MLLT10: variants seen among roughly 807,000 people sequenced by gnomAD.
MLLT10 encodes protein AF-10.
MLLT10 carries 30 observed loss-of-function variants against 129.1 expected under a neutral mutation model. The ratio of observed to expected loss-of-function variants is 0.23; its 90% CI spans 0.17 to 0.32. The LOEUF (loss-of-function observed/expected upper bound fraction) is 0.32. Among genes scored for constraint, MLLT10 ranks in the 10% least tolerant of loss-of-function variants. MLLT10 has a pLI of 1.00. For synonymous variants in MLLT10, 490 were observed against 446.4 expected (o/e 1.10, Z -1.23); for missense variants, 1,119 against 1,268.3 (o/e 0.88, Z 1.79).
At chr10:21,545,243 CT>C (rs55655739) in intron 3 of MLLT10, among the ~76,000 whole-genome samples, 2,161 of 141,738 alleles carry the variant, frequency 0.015, 17 homozygotes, top group Middle Eastern at 0.036. Context: ...AACCACATGC[CT>C]TTTTTTTTTT....
At chr10:21,699,224 G>A (rs796447444) in intron 13 of MLLT10, among the ~76,000 whole-genome samples, 1 of 149,118 alleles carries the variant, frequency 6.7e-6, no homozygotes, top group Non-Finnish European at 1.5e-5. Context: ...TTGCCCACTT[G>A]TTAATGGTAT....
chr10:21,540,574 C>T (rs939490357), intron 3 of MLLT10, among the ~76,000 whole-genome samples: 1 of 151,946 alleles, frequency 6.6e-6, no homozygotes, highest in South Asian at 2.1e-4. Flanking sequence ...GTATGTTTAT[C>T]CTTTGTATCC....
At chr10:21,570,933 A>G (rs2040133822) in intron 3 of MLLT10, among the ~76,000 whole-genome samples, 1 of 151,686 alleles carries the variant, frequency 6.6e-6, no homozygotes, top group South Asian at 2.1e-4. Context: ...TAGTTTCTCT[A>G]GTTTTGTTTG....
At position 21,717,924 on chromosome 10, in the gene MLLT10, T is replaced by C. The variant is rs917422190; in HGVS notation, c.1878+3974T>C. 2.9e-3 allele frequency among the ~76,000 whole-genome samples: 391 copies of C among 132,594 alleles called. 9 individuals are homozygous for C. Among genetic ancestry groups the C allele is most frequent in the African/African-American group, 0.011 (375 of 34,392 alleles). 87.0% of individuals were successfully genotyped at this position (132,594 alleles called of 152,430 possible). ...TCCTCCTCCTCCTTCTCCTTCTCCT[T>C]CTTCTTCTCCTTCTTTTCTTCTTTC... On this transcript the variant is annotated intron_variant, in intron 14 of 22. Coordinates refer to ENST00000307729, the MANE Select transcript of MLLT10 (RefSeq NM_001195626.3).
chr10:21,552,376 A>G (rs1012434268), intron 3 of MLLT10, among the ~76,000 whole-genome samples: 4 of 128,190 alleles, frequency 3.1e-5, no homozygotes, highest in African/African-American at 5.9e-5. Flanking sequence ...ATCTTTGTAT[A>G]TCTTCTTATT....
intron 8 of MLLT10, among the ~76,000 whole-genome samples, chr10:21,639,356 G>C (rs1442407116): frequency 6.6e-6 from 1 of 152,150 alleles, no homozygotes; most frequent in Non-Finnish European, 1.5e-5. Flanking sequence ...CCTCACTTTT[G>C]ATGCTGATTC....
intron 9 of MLLT10, among the ~76,000 whole-genome samples, chr10:21,664,911 C>G (rs1033779314): frequency 6.9e-6 from 1 of 144,356 alleles, no homozygotes; most frequent in African/African-American, 2.5e-5. Context: ...TTCTTTGTGC[C>G]TTTATATTTA....
chr10:21,624,636 CATT>C, intron 8 of MLLT10: 1 of 1,454,242 alleles, frequency 6.9e-7, no homozygotes, highest in Non-Finnish European at 9.3e-7. Flanking sequence ...TCCTGGTTGT[CATT>C]ATTGTAACCA....
At chr10:21,706,596 A>G (rs888783791) in intron 13 of MLLT10, among the ~76,000 whole-genome samples, 2 of 152,228 alleles carry the variant, frequency 1.3e-5, no homozygotes, top group South Asian at 2.1e-4. Context: ...TCTGAAGACT[A>G]TTCCATTCAC....
chr10:21,730,310 A>G (rs1258555288), intron 16 of MLLT10, among the ~76,000 whole-genome samples: 2 of 10,166 alleles, frequency 2.0e-4, no homozygotes, highest in Non-Finnish European at 3.5e-4. Context: ...TCCAAAAATG[A>G]AAAAAAAAAA....
At chr10:21,738,605 C>A in intron 21 of MLLT10, 1 of 1,194,258 alleles carries the variant, frequency 8.4e-7, no homozygotes, top group South Asian at 1.5e-5. Flanking sequence ...GCTCGACACT[C>A]TTGCTTGACT....
chr10:21,725,234 T>TA lies in MLLT10; in HGVS notation c.1879-1009dup, dbSNP rs1373671620. ...TTTGACCTCCTTAGCCAGCTTGTGA[T>TA]ATGAGAGATTGAAGCATTTGGTTAG... On this transcript the variant is annotated intron_variant, in intron 14 of 22. Transcript: ENST00000307729. 3.9e-5 allele frequency among the ~76,000 whole-genome samples: 6 copies of TA among 152,184 alleles called. No individual in the cohort carries two copies. The East Asian group carries it at 1.2e-3, about 29-fold the overall frequency.
chr10:21,590,647 T>C (rs1589120204), intron 4 of MLLT10, among the ~76,000 whole-genome samples: 1 of 152,106 alleles, frequency 6.6e-6, no homozygotes, highest in African/African-American at 2.4e-5. Context: ...CCGCCAGTAG[T>C]ATTTTATTAT....
intron 13 of MLLT10, among the ~76,000 whole-genome samples, chr10:21,707,189 ATTTTT>A (rs1199544245): frequency 1.6e-5 from 2 of 122,502 alleles, no homozygotes; most frequent in Non-Finnish European, 3.4e-5. Context: ...AGTTTAGATG[ATTTTT>A]TTTTTTTTTT....
At chr10:21,641,933 T>G (rs1219122779) in intron 8 of MLLT10, among the ~76,000 whole-genome samples, 1 of 152,232 alleles carries the variant, frequency 6.6e-6, no homozygotes, top group Non-Finnish European at 1.5e-5. Context: ...TTCATGTGAT[T>G]TTTTTGGCTT....
chr10:21,563,390 G>A lies in MLLT10; in HGVS notation c.241-22904G>A, dbSNP rs569683851. Among the ~76,000 whole-genome samples, 3 of 152,084 alleles carry A rather than the reference G, an allele frequency of 2.0e-5. No homozygotes were observed. The South Asian group carries it at 6.2e-4, about 32-fold the overall frequency. ...ATACAAAAATTAGCCAGGTGTGATG[G>A]CGGGCACCTGTAATCTCAGCTGCTT... is the stretch of plus-strand genomic sequence containing the variant. On this transcript the variant is annotated intron_variant, in intron 3 of 22. Transcript: ENST00000307729.
intron 6 of MLLT10, 40 bp downstream of exon 6, chr10:21,612,491 A>G: frequency 1.6e-6 from 2 of 1,273,166 alleles, no homozygotes; most frequent in Admixed American, 2.0e-5. Context: ...TGAACTTGGT[A>G]AATACCTTGT....
intron 3 of MLLT10, among the ~76,000 whole-genome samples, chr10:21,570,582 G>T (rs545217444): frequency 6.9e-5 from 10 of 145,536 alleles, no homozygotes; most frequent in African/African-American, 1.3e-4. Flanking sequence ...TTTTTTAGTG[G>T]TTTTTTTTTT....
At position 21,534,302 on chromosome 10, in the gene MLLT10, G is replaced by C. The variant is rs2033355068; in HGVS notation, c.-219G>C. 2 of 389,482 alleles carry C rather than the reference G, an allele frequency of 5.1e-6. No homozygotes were observed. The highest frequency in any genetic ancestry group is 9.1e-6 in the Non-Finnish European group (2 of 219,084). The allele number at this position is 389,482 out of a possible 1,614,324, so 24.1% of individuals were successfully genotyped here. A position where few individuals can be genotyped will look rare whatever the true frequency, so the allele number is the denominator to read the frequency against. ...CCTCCCTCGCTGCCCCTGGCCCAGC[G>C]GGAGCCCCCCCTCCCCCCAGTGCGC... On this transcript the variant is annotated 5_prime_UTR_variant, in exon 1 of 23. Coordinates refer to ENST00000307729, the MANE Select transcript of MLLT10 (RefSeq NM_001195626.3).
Sources: allele counts gnomAD v4.1 joint callset (sites outside exome capture counted in the v4.1 genomes callset), GRCh38; gene constraint gnomAD v4.1.1; transcripts MANE v1.5; gene names NCBI Gene and HGNC (gene_info 2026-07-23, HGNC 2026-07-21).